Variants in PRELID2 observed in about 807,000 individuals in gnomAD.
PRELID2 encodes PRELI domain containing 2.
A neutral mutation model predicts 28.4 loss-of-function variants in PRELID2; 25 were observed. That is an observed-to-expected ratio of 0.88 (90% CI 0.64 to 1.23). The LOEUF (loss-of-function observed/expected upper bound fraction) is 1.23. Among genes scored for constraint, PRELID2 ranks in the 50% most tolerant of loss-of-function variants. The pLI, the probability that PRELID2 is intolerant of heterozygous loss-of-function variation, is 0.00. For synonymous variants in PRELID2, 76 were observed against 71.6 expected, an observed-to-expected ratio of 1.06 and a Z score of -0.31; for missense variants, 201 against 214.4, an observed-to-expected ratio of 0.94 and a Z score of 0.39.
chr5:145,343,862 A>G, the PRELID2 span, among the ~76,000 whole-genome samples: 1 of 151,896 alleles, frequency 6.6e-6, no homozygotes, highest in Non-Finnish European at 1.5e-5. Flanking sequence ...ATACAAAGAA[A>G]AATCAGAGAC....
chr5:145,750,376 C>T (rs916860289), intron 1 of PRELID2, among the ~76,000 whole-genome samples: 3 of 151,884 alleles, frequency 2.0e-5, no homozygotes, highest in Admixed American at 6.6e-5. Context: ...GCTTAAATAA[C>T]ACAGCTAGTA....
intron 1 of PRELID2, among the ~76,000 whole-genome samples, chr5:145,484,883 A>C (rs1304295066): frequency 6.6e-6 from 1 of 152,202 alleles, no homozygotes; most frequent in Non-Finnish European, 1.5e-5. Flanking sequence ...GCTAGACATC[A>C]AGTTCAGGAC....
the PRELID2 span, among the ~76,000 whole-genome samples, chr5:145,246,325 T>G: frequency 6.6e-6 from 1 of 152,118 alleles, no homozygotes; most frequent in Non-Finnish European, 1.5e-5. Context: ...CTGATACATT[T>G]TTATTAAGTA....
chr5:145,713,177 A>T (rs1020624110), intron 1 of PRELID2, among the ~76,000 whole-genome samples: 5 of 151,504 alleles, frequency 3.3e-5, no homozygotes, highest in Non-Finnish European at 7.4e-5. Context: ...CTACAGATCC[A>T]AAAAGCTTAC....
At chr5:145,648,720 A>G (rs912141348) in intron 1 of PRELID2, among the ~76,000 whole-genome samples, 1 of 150,650 alleles carries the variant, frequency 6.6e-6, no homozygotes, top group Non-Finnish European at 1.5e-5. Flanking sequence ...TGATTATTAC[A>G]TTTTAAAATA....
At chr5:145,801,946 C>A (rs1352090922) in intron 4 of PRELID2, among the ~76,000 whole-genome samples, 2 of 152,206 alleles carry the variant, frequency 1.3e-5, no homozygotes, top group Non-Finnish European at 2.9e-5. Context: ...TCTCCAGGAC[C>A]ATTGCAAAGT....
At chr5:145,560,575 C>T (rs796814201) in intron 1 of PRELID2, among the ~76,000 whole-genome samples, 20 of 152,316 alleles carry the variant, frequency 1.3e-4, no homozygotes, top group African/African-American at 4.6e-4. Flanking sequence ...TAAGAACTTG[C>T]TTCTGCAAAG....
intron 1 of PRELID2, among the ~76,000 whole-genome samples, chr5:145,629,638 A>C (rs1262495690): frequency 2.6e-5 from 4 of 152,198 alleles, no homozygotes; most frequent in Non-Finnish European, 1.5e-5. Flanking sequence ...GGAATTATCT[A>C]AACTTGATCC....
intron 4 of PRELID2, among the ~76,000 whole-genome samples, chr5:145,806,474 T>A (rs1412767676): frequency 2.0e-5 from 3 of 152,228 alleles, no homozygotes; most frequent in Non-Finnish European, 2.9e-5. Flanking sequence ...TCTCCTATGA[T>A]AACAATGCTT....
the PRELID2 span, among the ~76,000 whole-genome samples, chr5:145,458,062 T>C: frequency 1.3e-5 from 2 of 152,346 alleles, no homozygotes; most frequent in South Asian, 4.1e-4. Context: ...CAACTTGTTT[T>C]GGGTGAAAGA....
the PRELID2 span, among the ~76,000 whole-genome samples, chr5:145,336,241 G>A: frequency 6.6e-6 from 1 of 152,022 alleles, no homozygotes; most frequent in South Asian, 2.1e-4. Context: ...CACTCTGATG[G>A]TAGTTTGTTT....
At chr5:145,796,414 T>C (rs763517443) in intron 5 of PRELID2, 28 bp downstream of exon 5, 1 of 1,467,154 alleles carries the variant, frequency 6.8e-7, no homozygotes, top group Non-Finnish European at 9.5e-7. Flanking sequence ...TTAAAATTAA[T>C]GTTGGTTCAA....
At chr5:145,481,623 CAAAAAAAAAAAA>C (rs70998021) in intron 1 of PRELID2, among the ~76,000 whole-genome samples, 32 of 41,862 alleles carry the variant, frequency 7.6e-4, no homozygotes, top group East Asian at 3.5e-3. Flanking sequence ...GCAAGGAAAT[CAAAAAAAAAAAA>C]AAAAAAAAAA....
At chr5:145,774,029 A>C (rs1758261090) in intron 5 of PRELID2, among the ~76,000 whole-genome samples, 1 of 152,240 alleles carries the variant, frequency 6.6e-6, no homozygotes, top group Admixed American at 6.5e-5. Context: ...TCTTCAAGTC[A>C]GGTGTTTCCT....
chr5:145,729,424 C>T lies in PRELID2; in HGVS notation n.70+35507G>A, dbSNP rs12523366. The T allele has an allele frequency of 9.4e-5, 36 of 383,538 alleles. No individual in the cohort carries two copies. The Admixed American group carries it at 9.5e-4, about 10-fold the overall frequency. 23.8% of individuals were successfully genotyped at this position (383,538 alleles called of 1,614,324 possible). ...AAACTGAAGCTTCAAGATGACTTTA[C>T]TTGCCCAGGTTCCTTCTAAGTCCTC... On this transcript the variant is annotated intron_variant and non_coding_transcript_variant, in intron 1 of 2. Coordinates refer to the PRELID2 transcript ENST00000510259.
rs184412175 is a variant in PRELID2, at chr5:145,713,775, T to C, written n.70+51156A>G. ...CACATATATATATGCCAGAAGACAATGGAATTACATTTTAAATGTAATTAC... is the reference window on the plus strand; with the variant it reads ...CACATATATATATGCCAGAAGACAACGGAATTACATTTTAAATGTAATTAC... On this transcript the variant is annotated intron_variant and non_coding_transcript_variant, in intron 1 of 2. Coordinates refer to the PRELID2 transcript ENST00000510259. Among the ~76,000 whole-genome samples, 1,248 of 148,278 alleles carry C rather than the reference T, an allele frequency of 8.4e-3. 14 individuals carry two copies. Among genetic ancestry groups the C allele is most frequent in the Admixed American group, 0.017 (244 of 14,706 alleles).
At position 145,579,414 on chromosome 5, in the gene PRELID2, T is replaced by C. The variant is rs372258929; in HGVS notation, n.71-106099A>G. ...ATGTCATCTTAGCTAATCTTTATCA[T>C]TTAATTCATCAGTTTTATTGCCCTT... On this transcript the variant is annotated intron_variant and non_coding_transcript_variant, in intron 1 of 2. Transcript: ENST00000510259. Among the ~76,000 whole-genome samples, 14 of 152,256 alleles carry C rather than the reference T, an allele frequency of 9.2e-5. No individual in the cohort carries two copies. In the South Asian group the frequency reaches 2.7e-3, roughly 29 times the overall value.
downstream of PRELID2, among the ~76,000 whole-genome samples, chr5:145,755,295 T>C (rs568084227): frequency 3.7e-4 from 56 of 152,276 alleles, no homozygotes; most frequent in Admixed American, 9.2e-4. Context: ...TGAGGGTATT[T>C]TGAGAAAGTC....
At chr5:145,454,411 T>G in the PRELID2 span, among the ~76,000 whole-genome samples, 1 of 152,076 alleles carries the variant, frequency 6.6e-6, no homozygotes, top group African/African-American at 2.4e-5. Context: ...TTCAACATAG[T>G]GTTGGAAGTT....
Sources: gnomAD v4.1 joint callset for allele counts (sites outside exome capture counted in the v4.1 genomes callset) on GRCh38, gnomAD v4.1.1 for gene constraint, MANE v1.5 for transcripts, NCBI Gene and HGNC (gene_info 2026-07-23, HGNC 2026-07-21) for gene names.